Variants in IL1RAPL2 observed in about 807,000 individuals in gnomAD.
The protein encoded by IL1RAPL2 is interleukin 1 receptor accessory protein like 2, also known as X-linked interleukin-1 receptor accessory protein-like 2.
Under a neutral mutation model 44.1 loss-of-function variants are expected in IL1RAPL2, and 3 were observed. That is an observed-to-expected ratio of 0.07 (90% confidence interval 0.03 to 0.18). The LOEUF (loss-of-function observed/expected upper bound fraction) is 0.18, where lower values mean the gene tolerates loss of function less well. IL1RAPL2 is among the 10% of genes least tolerant of loss of function. IL1RAPL2 has a pLI of 1.00. For missense variants in IL1RAPL2, 391 were observed against 496.4 expected, an observed-to-expected ratio of 0.79 and a Z score of 2.02; for synonymous variants, 181 against 178.8, an observed-to-expected ratio of 1.01 and a Z score of -0.10.
At chrX:104,848,280 C>G (rs781150145) in intron 2 of IL1RAPL2, among the ~76,000 whole-genome samples, 3 of 108,371 alleles carry the variant, frequency 2.8e-5, no homozygotes, top group African/African-American at 1.0e-4. Flanking sequence ...ACTGTTAAGA[C>G]CGTCACAGAC....
chrX:105,307,986 G>A (rs1388807357), intron 5 of IL1RAPL2, among the ~76,000 whole-genome samples: 1 of 109,412 alleles, frequency 9.1e-6, no homozygotes, highest in Non-Finnish European at 1.9e-5. Context: ...TTTCAATAAG[G>A]AATAGTTTAG....
intron 2 of IL1RAPL2, among the ~76,000 whole-genome samples, chrX:105,125,546 T>C (rs763645401): frequency 2.5e-4 from 28 of 111,285 alleles, no homozygotes; most frequent in Non-Finnish European, 3.8e-4. Context: ...ACAGAAATTA[T>C]AACTAAACTA....
chrX:104,729,325 C>T (rs1485972286), intron 2 of IL1RAPL2, among the ~76,000 whole-genome samples: 1 of 110,408 alleles, frequency 9.1e-6, no homozygotes, highest in South Asian at 3.9e-4. Flanking sequence ...TGATCATCGT[C>T]CCAACTATTG....
intron 5 of IL1RAPL2, among the ~76,000 whole-genome samples, chrX:105,291,654 T>G (rs1427758205): frequency 2.7e-5 from 3 of 111,417 alleles, no homozygotes; most frequent in African/African-American, 9.8e-5. Context: ...CCTTTCTGCC[T>G]CCAACTCCTT....
At chrX:105,436,064 T>A (rs996634253) in intron 5 of IL1RAPL2, among the ~76,000 whole-genome samples, 1 of 110,702 alleles carries the variant, frequency 9.0e-6, no homozygotes, top group Non-Finnish European at 1.9e-5. Flanking sequence ...AATAAATAAA[T>A]AAGAAAAGGA....
chrX:104,862,141 G>A (rs765005881), intron 2 of IL1RAPL2, among the ~76,000 whole-genome samples: 2 of 111,337 alleles, frequency 1.8e-5, no homozygotes, highest in East Asian at 5.7e-4. Context: ...CTTAGGAGAA[G>A]TAAAAGATGT....
intron 6 of IL1RAPL2, among the ~76,000 whole-genome samples, chrX:105,527,437 TGTG>T (rs1288478823): frequency 8.5e-5 from 2 of 23,636 alleles, no homozygotes; most frequent in African/African-American, 7.2e-4. Context: ...GAGAGTGTGT[TGTG>T]TGTGTGTGTG....
chrX:104,828,133 T>C (rs1311430207), intron 2 of IL1RAPL2, among the ~76,000 whole-genome samples: 2 of 111,935 alleles, frequency 1.8e-5, no homozygotes, highest in African/African-American at 6.5e-5. Context: ...TCTGTCAATT[T>C]GTCAAACTAA....
chrX:105,568,455 T>C (rs1192423195), intron 6 of IL1RAPL2, among the ~76,000 whole-genome samples: 1 of 112,163 alleles, frequency 8.9e-6, no homozygotes, highest in African/African-American at 3.2e-5. Context: ...CATTCTTATT[T>C]AGAAAATTGT....
chrX:104,794,696 T>C (rs1932840981), intron 2 of IL1RAPL2, among the ~76,000 whole-genome samples: 1 of 112,113 alleles, frequency 8.9e-6, no homozygotes, highest in South Asian at 3.7e-4. Flanking sequence ...GATATCAAAA[T>C]TTTATGTTTC....
At chrX:105,023,117 A>G (rs1399166248) in intron 2 of IL1RAPL2, among the ~76,000 whole-genome samples, 1 of 111,109 alleles carries the variant, frequency 9.0e-6, no homozygotes, top group African/African-American at 3.3e-5. Flanking sequence ...CAATATAAGG[A>G]TTAGCATTCT....
intron 2 of IL1RAPL2, among the ~76,000 whole-genome samples, chrX:105,014,003 G>A (rs1016558704): frequency 2.7e-5 from 3 of 112,104 alleles, no homozygotes; most frequent in Admixed American, 9.4e-5. Context: ...CACATAGTGC[G>A]TATTCAGTGA....
chrX:104,568,219 C>T (rs992299775), intron 1 of IL1RAPL2, among the ~76,000 whole-genome samples: 1 of 110,010 alleles, frequency 9.1e-6, no homozygotes, highest in Admixed American at 9.7e-5. Context: ...TTTTCCTGGC[C>T]AGGGGAATCA....
intron 5 of IL1RAPL2, among the ~76,000 whole-genome samples, chrX:105,283,376 G>A (rs1050084867): frequency 4.5e-5 from 5 of 111,434 alleles, no homozygotes; most frequent in Non-Finnish European, 9.4e-5. Flanking sequence ...GGACCCTGAT[G>A]GTTAAGAAAA....
At chrX:104,635,660 C>T (rs1351586958) in intron 1 of IL1RAPL2, among the ~76,000 whole-genome samples, 5 of 112,026 alleles carry the variant, frequency 4.5e-5, no homozygotes, top group African/African-American at 6.5e-5. Flanking sequence ...GTGCATTTGT[C>T]ATGTAGTTCT....
At chrX:104,755,885 A>G (rs1003963335) in intron 2 of IL1RAPL2, among the ~76,000 whole-genome samples, 20 of 111,526 alleles carry the variant, frequency 1.8e-4, no homozygotes, top group Admixed American at 1.6e-3. Context: ...AACCTAGATA[A>G]TATACCAAAG....
At chrX:104,962,910 A>AT (rs2049233872) in intron 2 of IL1RAPL2, among the ~76,000 whole-genome samples, 1 of 110,932 alleles carries the variant, frequency 9.0e-6, no homozygotes, top group East Asian at 2.9e-4. Flanking sequence ...CTGTTATCTC[A>AT]TTTTTTTCTG....
rs747952451 is a variant in IL1RAPL2 at position 104,873,599 on chromosome X, A to G, written c.82+214604A>G. Among the ~76,000 whole-genome samples, 3 of 111,091 alleles carry G rather than the reference A, an allele frequency of 2.7e-5. No individual in the cohort carries two copies. In the East Asian group the frequency reaches 8.6e-4, roughly 32 times the overall value. The stretch of plus-strand genomic sequence containing the variant: ...TCTATCTGGGACCTTGACACTTTCA[A>G]TTCAGAGGAGGAAGAGCAAGGCGGT... On this transcript the variant is annotated intron_variant, in intron 2 of 10. Coordinates refer to ENST00000372582, the MANE Select transcript of IL1RAPL2 (RefSeq NM_017416.2).
chrX:105,065,796 G>C (rs1032318876), intron 2 of IL1RAPL2, among the ~76,000 whole-genome samples: 7 of 112,033 alleles, frequency 6.2e-5, no homozygotes, highest in African/African-American at 2.3e-4. Flanking sequence ...CTACTGCATA[G>C]AAGATGTCAC....
Sources: allele counts gnomAD v4.1 joint callset (sites outside exome capture counted in the v4.1 genomes callset), GRCh38; gene constraint gnomAD v4.1.1; transcripts MANE v1.5; gene names NCBI Gene and HGNC (gene_info 2026-07-23, HGNC 2026-07-21).